Variants in TXNL1 observed in about 807,000 individuals in gnomAD.
The protein encoded by TXNL1 is thioredoxin like 1, also known as thioredoxin-like protein 1.
Under a neutral mutation model 35.5 loss-of-function variants are expected in TXNL1, and 14 were observed. The ratio of observed to expected loss-of-function variants is 0.39; its 90% CI spans 0.26 to 0.62. The LOEUF (loss-of-function observed/expected upper bound fraction) is 0.62. Ranked by LOEUF, TXNL1 falls within the 20% of genes least tolerant of loss-of-function variation. The pLI, the probability that TXNL1 is intolerant of heterozygous loss-of-function variation, is 0.47. For missense variants in TXNL1, 263 were observed against 349.7 expected, an observed-to-expected ratio of 0.75 and a Z score of 1.98; for synonymous variants, 110 against 115.5, an observed-to-expected ratio of 0.95 and a Z score of 0.31.
At chr18:56,604,984 G>A (rs2023866146) in intron 7 of TXNL1, among the ~76,000 whole-genome samples, 2 of 150,708 alleles carry the variant, frequency 1.3e-5, no homozygotes, top group African/African-American at 4.9e-5. Flanking sequence ...TTATTGTGAT[G>A]TTATGCCTCA....
intron 1 of TXNL1, among the ~76,000 whole-genome samples, chr18:56,628,784 A>C (rs193040007): frequency 1.3e-5 from 2 of 152,336 alleles, no homozygotes; most frequent in East Asian, 1.9e-4. Context: ...TGTGCCATGT[A>C]TGTCTCAATA....
intron 3 of TXNL1, among the ~76,000 whole-genome samples, chr18:56,623,081 G>A (rs1230760501): frequency 2.0e-5 from 3 of 151,920 alleles, no homozygotes; most frequent in Non-Finnish European, 2.9e-5. Flanking sequence ...GGGAGGACTT[G>A]TAGCTCCATG....
chr18:56,607,017 T>A (rs747409517), intron 7 of TXNL1, among the ~76,000 whole-genome samples: 3 of 152,062 alleles, frequency 2.0e-5, no homozygotes, highest in Non-Finnish European at 4.4e-5. Context: ...TGATATGGGG[T>A]CTTGCTCTGT....
intron 7 of TXNL1, chr18:56,604,399 C>G (rs962849003): frequency 3.3e-5 from 5 of 152,214 alleles, no homozygotes; most frequent in African/African-American, 1.2e-4. Flanking sequence ...AATTAAACTT[C>G]TAGCAGATGT....
At chr18:56,624,171 A>G in intron 3 of TXNL1, 117 bp downstream of exon 3, 3 of 1,154,042 alleles carry the variant, frequency 2.6e-6, no homozygotes, top group Non-Finnish European at 3.5e-6. Context: ...CTCTTATTTA[A>G]AAGTATTCTA....
rs1001024369 is a variant in TXNL1, at chr18:56,598,650, G to A, written c.*4377C>T. 1.3e-5 allele frequency: 2 copies of A among 152,228 alleles called. No homozygotes were observed. The highest frequency in any genetic ancestry group is 4.8e-5 in the African/African-American group (2 of 41,414). The allele number at this position is 152,228 out of a possible 1,614,324, so 9.4% of individuals were successfully genotyped here. ...AGAGAGGCCAGAGCAGAAACAAAGA[G>A]ACAATTAGGAGGCACTGCAGTATGC... On this transcript the variant is annotated 3_prime_UTR_variant, in exon 8 of 8. Transcript: ENST00000217515.
At chr18:56,608,378 A>T (rs1267844923) in intron 7 of TXNL1, 1 of 152,218 alleles carries the variant, frequency 6.6e-6, no homozygotes, top group Non-Finnish European at 1.5e-5. Context: ...CTACAGTACA[A>T]ATGTCATTCA....
chr18:56,607,301 C>T (rs2023915117), intron 7 of TXNL1, among the ~76,000 whole-genome samples: 1 of 151,648 alleles, frequency 6.6e-6, no homozygotes, highest in Non-Finnish European at 1.5e-5. Flanking sequence ...TACAGGTGCA[C>T]CCACCGTCTT....
At chr18:56,613,283 G>A (rs1225807333) in intron 6 of TXNL1, among the ~76,000 whole-genome samples, 1 of 152,142 alleles carries the variant, frequency 6.6e-6, no homozygotes, top group Non-Finnish European at 1.5e-5. Flanking sequence ...AGTTTGGCAT[G>A]ACATTCTCAG....
At chr18:56,626,201 C>A (rs1568106969) in intron 2 of TXNL1, 160 bp downstream of exon 2, 1 of 1,358,866 alleles carries the variant, frequency 7.4e-7, no homozygotes, top group African/African-American at 1.5e-5. Flanking sequence ...TTAACTAATG[C>A]AGCCATAATG....
intron 2 of TXNL1, chr18:56,626,048 T>A: frequency 2.9e-6 from 1 of 340,326 alleles, no homozygotes; most frequent in Non-Finnish European, 4.5e-6. Flanking sequence ...ACCTCGGGGG[T>A]AGAAGATATA....
chr18:56,623,862 T>C (rs149469737), intron 3 of TXNL1, among the ~76,000 whole-genome samples: 1 of 151,568 alleles, frequency 6.6e-6, no homozygotes, highest in Non-Finnish European at 1.5e-5. Flanking sequence ...GATAAAACTA[T>C]AGGAAGTGAG....
chr18:56,626,576 T>C, intron 1 of TXNL1, 119 bp from the exon 2 acceptor site: 1 of 893,682 alleles, frequency 1.1e-6, no homozygotes, highest in Non-Finnish European at 1.7e-6. Flanking sequence ...CTCTGTTTTT[T>C]TTGTTTTGTT....
chr18:56,634,988 G>A (rs1336818752), intron 1 of TXNL1, among the ~76,000 whole-genome samples: 1 of 152,174 alleles, frequency 6.6e-6, no homozygotes, highest in Non-Finnish European at 1.5e-5. Context: ...AAGGCCCAGC[G>A]CAGTGACTCA....
In TXNL1 at chr18:56,616,428, G is replaced by A. The variant is rs1484364056; in HGVS notation, c.493-114C>T. On this transcript the variant is annotated intron_variant, in intron 4 of 7. Transcript: ENST00000217515. The stretch of plus-strand genomic sequence containing the variant: ...AAAAAAAAAACCAACCTAATTCATC[G>A]AACAAAACCAACGTAATATGAAAAA... 1.0e-5 allele frequency: 9 copies of A among 879,184 alleles called. No individual in the cohort carries two copies. In the East Asian group the frequency reaches 1.3e-4, roughly 13 times the overall value. The allele number at this position is 879,184 out of a possible 1,614,324, so 54.5% of individuals were successfully genotyped here. A position where few individuals can be genotyped will look rare whatever the true frequency, so the allele number is the denominator to read the frequency against.
intron 2 of TXNL1, 108 bp from the exon 3 acceptor site, chr18:56,624,569 T>G: frequency 1.6e-6 from 2 of 1,228,736 alleles, no homozygotes; most frequent in Non-Finnish European, 1.1e-6. Flanking sequence ...ACTAAAAACA[T>G]GTAAAATACT....
chr18:56,631,970 A>G (rs2024379563), intron 1 of TXNL1, among the ~76,000 whole-genome samples: 1 of 151,962 alleles, frequency 6.6e-6, no homozygotes, highest in Non-Finnish European at 1.5e-5. Context: ...TAAAACAGAC[A>G]TAACCTAATA....
chr18:56,617,625 G>C (rs1433501204), intron 4 of TXNL1, among the ~76,000 whole-genome samples: 1 of 152,180 alleles, frequency 6.6e-6, no homozygotes, highest in East Asian at 1.9e-4. Context: ...CTAGGAGAAA[G>C]GAATTAGCCA....
At chr18:56,617,854 A>G (rs995211541) in intron 4 of TXNL1, 150 bp downstream of exon 4, 3 of 1,116,270 alleles carry the variant, frequency 2.7e-6, no homozygotes, top group Non-Finnish European at 3.8e-6. Context: ...TGGTCAAAAA[A>G]CAAAAGTCAA....
Sources: allele counts gnomAD v4.1 joint callset (sites outside exome capture counted in the v4.1 genomes callset), GRCh38; gene constraint gnomAD v4.1.1; transcripts MANE v1.5; gene names NCBI Gene and HGNC (gene_info 2026-07-23, HGNC 2026-07-21).